Variants in SPRED1 observed in about 807,000 individuals in gnomAD.
SPRED1 encodes sprouty-related, EVH1 domain-containing protein 1.
In SPRED1, 18 loss-of-function variants were observed where a neutral mutation model predicts 52.3. The ratio of observed to expected loss-of-function variants is 0.34; its 90% CI spans 0.24 to 0.51. SPRED1 has a LOEUF of 0.51. Among genes scored for constraint, SPRED1 ranks in the 20% least tolerant of loss-of-function variants. SPRED1 has a pLI of 0.97. For missense variants in SPRED1, 485 were observed against 551.0 expected (o/e 0.88, Z 1.20); for synonymous variants, 155 against 179.7 (o/e 0.86, Z 1.10).
chr15:38,285,714 C>G (rs1201266595), intron 1 of SPRED1, among the ~76,000 whole-genome samples: 1 of 152,142 alleles, frequency 6.6e-6, no homozygotes, highest in Non-Finnish European at 1.5e-5. Context: ...CTGAGCAAGA[C>G]TCACATGACC....
chr15:38,261,357 C>G (rs1894200895), intron 1 of SPRED1, among the ~76,000 whole-genome samples: 1 of 152,112 alleles, frequency 6.6e-6, no homozygotes, highest in Non-Finnish European at 1.5e-5. Context: ...ATTTCTGTTA[C>G]TCAGATGTAG....
At chr15:38,315,251 A>G (rs1415583371) in intron 2 of SPRED1, among the ~76,000 whole-genome samples, 1 of 151,974 alleles carries the variant, frequency 6.6e-6, no homozygotes, top group African/African-American at 2.4e-5. Flanking sequence ...AGTTACTAGT[A>G]AAAATTTTTA....
At chr15:38,332,783 G>C (rs1703131133) in intron 4 of SPRED1, among the ~76,000 whole-genome samples, 1 of 152,174 alleles carries the variant, frequency 6.6e-6, no homozygotes, top group South Asian at 2.1e-4. Context: ...CTTACAGGTT[G>C]TCCTAGTTCA....
At chr15:38,315,559 G>T (rs928467543) in intron 2 of SPRED1, among the ~76,000 whole-genome samples, 2 of 151,834 alleles carry the variant, frequency 1.3e-5, no homozygotes, top group Non-Finnish European at 2.9e-5. Flanking sequence ...TAGTTACTTA[G>T]TAATCACAGT....
chr15:38,264,873 C>T (rs983794692), intron 1 of SPRED1, among the ~76,000 whole-genome samples: 3 of 151,996 alleles, frequency 2.0e-5, no homozygotes, highest in African/African-American at 7.3e-5. Flanking sequence ...CTATCAGGAA[C>T]GAGTGATTCT....
At chr15:38,278,892 A>C (rs971664774) in intron 1 of SPRED1, among the ~76,000 whole-genome samples, 4 of 138,830 alleles carry the variant, frequency 2.9e-5, no homozygotes, top group African/African-American at 1.0e-4. Context: ...CAGTGGCGGA[A>C]TCTTAGCTCA....
At chr15:38,292,496 A>G (rs2140973077) in intron 1 of SPRED1, among the ~76,000 whole-genome samples, 1 of 152,312 alleles carries the variant, frequency 6.6e-6, no homozygotes, top group Non-Finnish European at 1.5e-5. Context: ...ATTGGACTTA[A>G]CAATTCCACA....
chr15:38,279,277 A>G lies in SPRED1; in HGVS notation c.33-20096A>G, dbSNP rs534641213. On this transcript the variant is annotated intron_variant, in intron 1 of 6. Coordinates refer to ENST00000299084, the MANE Select transcript of SPRED1 (RefSeq NM_152594.3). ...CAGTGACCAAGAAGAATTCTACCAC[A>G]TTTTCTTATTGTTGTACTTTAAATA... is the stretch of plus-strand genomic sequence containing the variant. 2.6e-4 allele frequency among the ~76,000 whole-genome samples: 39 copies of G among 152,176 alleles called. 1 individual carries two copies. The highest frequency in any genetic ancestry group is 9.2e-4 in the African/African-American group (38 of 41,522).
At chr15:38,346,769 G>A (rs981877969) in intron 5 of SPRED1, among the ~76,000 whole-genome samples, 8 of 152,166 alleles carry the variant, frequency 5.3e-5, no homozygotes, top group African/African-American at 1.9e-4. Context: ...TTCAGGAGTG[G>A]ACTTTTTACA....
intron 1 of SPRED1, among the ~76,000 whole-genome samples, chr15:38,261,573 G>GT (rs1217638776): frequency 6.6e-6 from 1 of 151,930 alleles, no homozygotes; most frequent in South Asian, 2.1e-4. Context: ...TTTTGTTTTT[G>GT]TTTTTTTAAT....
intron 4 of SPRED1, among the ~76,000 whole-genome samples, chr15:38,333,044 C>T (rs1279333105): frequency 6.6e-6 from 1 of 152,130 alleles, no homozygotes; most frequent in Admixed American, 6.6e-5. Flanking sequence ...ATCATAGCCC[C>T]ACCTCCTAAT....
At chr15:38,298,812 A>T (rs192580581) in intron 1 of SPRED1, among the ~76,000 whole-genome samples, 1 of 152,236 alleles carries the variant, frequency 6.6e-6, no homozygotes, top group Non-Finnish European at 1.5e-5. Flanking sequence ...TAATCTAAGC[A>T]TAACACTTTT....
At chr15:38,275,690 G>T (rs1295529835) in intron 1 of SPRED1, among the ~76,000 whole-genome samples, 1 of 152,070 alleles carries the variant, frequency 6.6e-6, no homozygotes, top group Non-Finnish European at 1.5e-5. Flanking sequence ...TAGCGACGGG[G>T]TTTCACCATG....
chr15:38,351,337 A>G lies in SPRED1; in HGVS notation c.1008A>G (p.Val336=), dbSNP rs1555392775. The change falls in exon 7 of 7, where the codon GTA becomes GTG. Residue 336 remains valine (V), a synonymous_variant. Coordinates refer to ENST00000299084, the MANE Select transcript of SPRED1 (RefSeq NM_152594.3). ...AGGATGGTGAACGTTCTCGCTGCGTATACTGCCAGGAAAGGTTTAATCATG... is the reference window on the plus strand; with the variant it reads ...AGGATGGTGAACGTTCTCGCTGCGTGTACTGCCAGGAAAGGTTTAATCATG... ...RKEDGERSRC[V]YCQERFNHEE... is the part of the protein sequence containing the mutation. The G allele has an allele frequency of 1.9e-6, 3 of 1,614,186 alleles. No individual in the cohort carries two copies. The African/African-American group carries it at 4.0e-5, about 22-fold the overall frequency.
intron 5 of SPRED1, among the ~76,000 whole-genome samples, chr15:38,342,386 C>T (rs1879936): frequency 0.82 from 125,135 of 151,954 alleles, 52,326 homozygotes; most frequent in Non-Finnish European, 0.9. Flanking sequence ...TTTTATGTAA[C>T]TGTCATTACA....
At chr15:38,321,843 C>T (rs1028634878) in intron 2 of SPRED1, among the ~76,000 whole-genome samples, 4 of 152,132 alleles carry the variant, frequency 2.6e-5, no homozygotes, top group South Asian at 4.1e-4. Context: ...GATCCGCCCG[C>T]CTCGGCCTCC....
At chr15:38,304,862 T>C (rs1388515184) in intron 2 of SPRED1, among the ~76,000 whole-genome samples, 1 of 152,216 alleles carries the variant, frequency 6.6e-6, no homozygotes, top group Non-Finnish European at 1.5e-5. Context: ...AGATTCCTTC[T>C]GGCTTCAGTA....
rs184464237 is a variant in SPRED1, at chr15:38,264,509, A to T, written c.32+11292A>T. Reference sequence around the variant, plus strand: ...CCAGAGTGATGACATGTGAGGGAAGATTAAAGTAGAAACAGGGATGAAGGT... The same window carrying T: ...CCAGAGTGATGACATGTGAGGGAAGTTTAAAGTAGAAACAGGGATGAAGGT... On this transcript the variant is annotated intron_variant, in intron 1 of 6. Transcript: ENST00000299084. Among the ~76,000 whole-genome samples the T allele has an allele frequency of 1.9e-3, 294 of 152,306 alleles. 2 individuals carry two copies. Among genetic ancestry groups the T allele is most frequent in the Non-Finnish European group, 3.2e-3 (215 of 68,024 alleles).
chr15:38,300,295 T>C (rs368935495), intron 2 of SPRED1, among the ~76,000 whole-genome samples: 8 of 152,206 alleles, frequency 5.3e-5, no homozygotes, highest in African/African-American at 1.9e-4. Flanking sequence ...TGAGTAATGT[T>C]AGTGTCATTT....
Sources: allele counts gnomAD v4.1 joint callset (sites outside exome capture counted in the v4.1 genomes callset), GRCh38; gene constraint gnomAD v4.1.1; transcripts MANE v1.5; gene names NCBI Gene and HGNC (gene_info 2026-07-23, HGNC 2026-07-21).